SHC3: variants seen among roughly 807,000 people sequenced by gnomAD.
SHC3 encodes SHC-transforming protein 3.
A neutral mutation model predicts 60.4 loss-of-function variants in SHC3; 15 were observed. The observed-to-expected ratio is 0.25, with a 90% CI of 0.17 to 0.38. The LOEUF (loss-of-function observed/expected upper bound fraction) is 0.38. Among genes scored for constraint, SHC3 ranks in the 10% least tolerant of loss-of-function variants. The pLI is 1.00. For synonymous variants in SHC3, 294 were observed against 325.9 expected (o/e 0.90, Z 1.05); for missense variants, 677 against 786.1 (o/e 0.86, Z 1.66).
intron 2 of SHC3, among the ~76,000 whole-genome samples, chr9:89,096,719 T>C (rs1025805363): frequency 6.6e-6 from 1 of 152,234 alleles, no homozygotes; most frequent in Non-Finnish European, 1.5e-5. Flanking sequence ...AGCGGACATT[T>C]GGCAAAGTCT....
chr9:89,102,802 A>T (rs1825801949), intron 2 of SHC3, among the ~76,000 whole-genome samples: 1 of 152,242 alleles, frequency 6.6e-6, no homozygotes, highest in South Asian at 2.1e-4. Context: ...CCAAAAACCC[A>T]TTGATGATGT....
At chr9:89,021,823 A>G (rs1384095822) in intron 11 of SHC3, among the ~76,000 whole-genome samples, 3 of 152,184 alleles carry the variant, frequency 2.0e-5, no homozygotes, top group African/African-American at 7.2e-5. Context: ...TCTGTCACAC[A>G]CAGCCCTACC....
Position 89,077,868 on chromosome 9 carries a change from C to A in SHC3, c.581G>T (p.Gly194Val). 1 of 1,614,222 alleles carries A rather than the reference C, an allele frequency of 6.2e-7. No individual in the cohort carries two copies. The highest frequency in any genetic ancestry group is 1.6e-4 in the Middle Eastern group (1 of 6,062). The change falls in exon 3 of 12, where the codon GGT becomes GTT. Residue 194 changes from glycine (G) to valine (V), a missense_variant. Coordinates refer to ENST00000375835, the MANE Select transcript of SHC3 (RefSeq NM_016848.6). ...AISRVCEAVP[G>V]AKGAFKKRKP... Reference sequence around the variant, plus strand: ...TCTCTTCTTGAAGGCTCCCTTCGCACCAGGCACAGCTTCACAGACGCGGCT... The same window carrying A: ...TCTCTTCTTGAAGGCTCCCTTCGCAACAGGCACAGCTTCACAGACGCGGCT...
intron 7 of SHC3, among the ~76,000 whole-genome samples, chr9:89,051,710 C>T (rs1465468533): frequency 6.6e-6 from 1 of 152,144 alleles, no homozygotes. Flanking sequence ...TAACATAGAC[C>T]CAAAGAGGTG....
At chr9:89,051,903 C>T (rs1215870361) in intron 7 of SHC3, 134 bp downstream of exon 7, 5 of 1,296,232 alleles carry the variant, frequency 3.9e-6, no homozygotes, top group African/African-American at 1.5e-5. Flanking sequence ...CCAGCACCGA[C>T]CAGGTGTCTC....
chr9:89,035,752 T>G, intron 11 of SHC3, among the ~76,000 whole-genome samples: 1 of 148,638 alleles, frequency 6.7e-6, no homozygotes. Flanking sequence ...AGGTCAGGAG[T>G]TCAAGACCAG....
chr9:89,096,080 CAT>C (rs981674654), intron 2 of SHC3, among the ~76,000 whole-genome samples: 2 of 152,178 alleles, frequency 1.3e-5, no homozygotes, highest in Non-Finnish European at 2.9e-5. Context: ...ATAAATAACA[CAT>C]AGAGAGCTAT....
In SHC3 at chr9:89,016,024, C is replaced by G. The variant is rs181527187; in HGVS notation, c.1657-2449G>C. Among the ~76,000 whole-genome samples the G allele has an allele frequency of 1.7e-3, 254 of 151,936 alleles. 1 individual carries two copies. The highest frequency in any genetic ancestry group is 6.8e-3 in the Middle Eastern group (2 of 292). ...AATAGATAAAAATTAGGGCAGAAAT[C>G]AATAAATTGAAAACAGCAAATCAGT... On this transcript the variant is annotated intron_variant, in intron 11 of 11. Transcript: ENST00000375835.
At chr9:89,129,707 T>C (rs1281557826) in intron 1 of SHC3, among the ~76,000 whole-genome samples, 6 of 152,152 alleles carry the variant, frequency 3.9e-5, no homozygotes, top group Non-Finnish European at 7.3e-5. Flanking sequence ...AAACAAATGC[T>C]GAGAGACTTT....
At chr9:89,127,787 C>G (rs534312931) in intron 1 of SHC3, among the ~76,000 whole-genome samples, 26 of 152,062 alleles carry the variant, frequency 1.7e-4, no homozygotes, top group African/African-American at 4.8e-4. Context: ...CCACCCCCCC[C>G]CACCACTGAG....
intron 1 of SHC3, among the ~76,000 whole-genome samples, chr9:89,141,562 T>C (rs748665252): frequency 2.0e-5 from 3 of 152,184 alleles, no homozygotes; most frequent in Non-Finnish European, 4.4e-5. Flanking sequence ...TCCCTTTCCC[T>C]AGTGAACAGC....
At chr9:89,150,039 A>G (rs766274269) in intron 1 of SHC3, among the ~76,000 whole-genome samples, 2 of 152,204 alleles carry the variant, frequency 1.3e-5, no homozygotes, top group Non-Finnish European at 1.5e-5. Context: ...TTACTGAATA[A>G]TGGCCCTAAA....
intron 2 of SHC3, among the ~76,000 whole-genome samples, chr9:89,097,799 T>A (rs971605217): frequency 2.0e-5 from 3 of 152,218 alleles, no homozygotes; most frequent in Non-Finnish European, 4.4e-5. Flanking sequence ...GTAATGGGGT[T>A]CAATCTCCAT....
At chr9:89,129,928 G>T (rs943409608) in intron 1 of SHC3, among the ~76,000 whole-genome samples, 4 of 152,134 alleles carry the variant, frequency 2.6e-5, no homozygotes, top group African/African-American at 9.7e-5. Context: ...AAATGTAAAT[G>T]GGCTACATGC....
At chr9:89,115,693 T>C (rs546617199) in intron 1 of SHC3, among the ~76,000 whole-genome samples, 1 of 152,146 alleles carries the variant, frequency 6.6e-6, no homozygotes, top group Non-Finnish European at 1.5e-5. Flanking sequence ...TCAACCCTAC[T>C]ACCACCAGCA....
intron 6 of SHC3, among the ~76,000 whole-genome samples, chr9:89,061,632 A>C (rs1438944732): frequency 6.6e-6 from 1 of 152,230 alleles, no homozygotes; most frequent in Non-Finnish European, 1.5e-5. Context: ...GTTTATCCGA[A>C]GTTTGTGCCT....
chr9:89,128,652 C>A (rs1826198147), intron 1 of SHC3, among the ~76,000 whole-genome samples: 2 of 152,180 alleles, frequency 1.3e-5, no homozygotes, highest in Admixed American at 1.3e-4. Flanking sequence ...TGGAGTGGAC[C>A]TCCAGCAAAC....
intron 2 of SHC3, among the ~76,000 whole-genome samples, chr9:89,111,231 G>A (rs1021534222): frequency 8.5e-5 from 13 of 152,122 alleles, no homozygotes; most frequent in Non-Finnish European, 1.5e-4. Context: ...AGTAGGAATG[G>A]TTGACAGTTC....
rs932296957 is a variant in SHC3, at chr9:89,108,143, G to A, written c.545+4413C>T. Among the ~76,000 whole-genome samples the A allele has an allele frequency of 3.3e-5, 5 of 152,336 alleles. No individual in the cohort carries two copies. The East Asian group carries it at 5.8e-4, about 18-fold the overall frequency. On this transcript the variant is annotated intron_variant, in intron 2 of 11. Coordinates refer to ENST00000375835, the MANE Select transcript of SHC3 (RefSeq NM_016848.6). ...CTATGCTATATAGCCTAGGTGTGCAGTAGGTGAGAGCATCTAGCCTAAGTG... is the reference window on the plus strand; with the variant it reads ...CTATGCTATATAGCCTAGGTGTGCAATAGGTGAGAGCATCTAGCCTAAGTG...
Sources: gnomAD v4.1 joint callset for allele counts (sites outside exome capture counted in the v4.1 genomes callset) on GRCh38, gnomAD v4.1.1 for gene constraint, MANE v1.5 for transcripts, NCBI Gene and HGNC (gene_info 2026-07-23, HGNC 2026-07-21) for gene names.